ZFYVE9: variants seen among roughly 807,000 people sequenced by gnomAD.
ZFYVE9 encodes zinc finger FYVE-type containing 9.
Under a neutral mutation model 126.7 loss-of-function variants are expected in ZFYVE9, and 43 were observed. That is an observed-to-expected ratio of 0.34 (90% CI 0.27 to 0.44). The LOEUF (loss-of-function observed/expected upper bound fraction) is 0.44, where lower values mean the gene tolerates loss of function less well. Among genes scored for constraint, ZFYVE9 ranks in the 20% least tolerant of loss-of-function variants. The pLI is 1.00. For synonymous variants in ZFYVE9, 521 were observed against 597.4 expected, an observed-to-expected ratio of 0.87 and a Z score of 1.87; for missense variants, 1,476 against 1,697.0, an observed-to-expected ratio of 0.87 and a Z score of 2.29.
chr1:52,310,839 T>C (rs1045203520), intron 13 of ZFYVE9, among the ~76,000 whole-genome samples: 8 of 152,204 alleles, frequency 5.3e-5, no homozygotes, highest in African/African-American at 2.4e-5. Context: ...CTGGGGCATT[T>C]CCTAATATGT....
intron 1 of ZFYVE9, among the ~76,000 whole-genome samples, chr1:52,181,696 G>A (rs984998346): frequency 2.0e-5 from 3 of 151,684 alleles, no homozygotes; most frequent in South Asian, 2.1e-4. Flanking sequence ...CTGCCCGGCC[G>A]CCCATCGTCT....
At chr1:52,275,169 G>A (rs1645733046) in intron 8 of ZFYVE9, among the ~76,000 whole-genome samples, 1 of 152,170 alleles carries the variant, frequency 6.6e-6, no homozygotes, top group Admixed American at 6.5e-5. Context: ...ATAATGCTGA[G>A]GTTTGGGTTA....
In ZFYVE9 at chr1:52,342,779, G is replaced by A. The variant is rs563198164; in HGVS notation, c.3940-1989G>A. ...AAACTCCTGACCTTGTGATCTGCCC[G>A]CCTCGGCCTCCCAAAGTACTGGGAT... On this transcript the variant is annotated intron_variant, in intron 17 of 18. Coordinates refer to ENST00000287727, the MANE Select transcript of ZFYVE9 (RefSeq NM_004799.4). 2.2e-4 allele frequency among the ~76,000 whole-genome samples: 33 copies of A among 152,162 alleles called. No individual in the cohort carries two copies. The East Asian group carries it at 2.3e-3, about 11-fold the overall frequency.
chr1:52,224,593 A>G (rs1318966432), intron 2 of ZFYVE9, among the ~76,000 whole-genome samples: 1 of 152,084 alleles, frequency 6.6e-6, no homozygotes, highest in Non-Finnish European at 1.5e-5. Context: ...ATTTTACCCA[A>G]ACTCTGGCCA....
intron 1 of ZFYVE9, among the ~76,000 whole-genome samples, chr1:52,188,727 A>G (rs1191524958): frequency 1.3e-5 from 2 of 152,134 alleles, no homozygotes; most frequent in Non-Finnish European, 2.9e-5. Flanking sequence ...GTAGAATACC[A>G]ATGTTAAGGT....
intron 12 of ZFYVE9, among the ~76,000 whole-genome samples, chr1:52,296,295 G>A (rs1347408015): frequency 6.6e-6 from 1 of 151,918 alleles, no homozygotes; most frequent in African/African-American, 2.4e-5. Context: ...GTGAGGACTA[G>A]AAGTAATACA....
At chr1:52,215,325 A>G (rs1645062415) in intron 1 of ZFYVE9, among the ~76,000 whole-genome samples, 2 of 152,142 alleles carry the variant, frequency 1.3e-5, no homozygotes, top group Admixed American at 1.3e-4. Context: ...ATATCATAGC[A>G]TGTGCATATT....
At position 52,281,798 on chromosome 1, in the gene ZFYVE9, T is replaced by C; in HGVS notation, c.3007T>C (p.Tyr1003His). The change falls in exon 10 of 19, where the codon TAT becomes CAT. Residue 1003 changes from tyrosine (Y) to histidine (H), a missense_variant. Physicochemically the swap from Tyr to His is moderately conservative, Grantham distance 83. This residue lies in a region of ZFYVE9 where 669 missense variants were observed against 902.4 expected (regional missense o/e 0.74). Transcript: ENST00000287727. ...TATCTTTAATCACTTTGTGCAGCTT[T>C]ATCGGGATGCTCTGGCAGGTAGGAA... ...KDIFNHFVQL[Y>H]RDALAGNVVS... The C allele has an allele frequency of 6.2e-7, 1 of 1,614,220 alleles. No homozygotes were observed. The highest frequency in any genetic ancestry group is 8.5e-7 in the Non-Finnish European group (1 of 1,180,038).
At position 52,315,296 on chromosome 1, in the gene ZFYVE9, C is replaced by T. The variant is rs117229838; in HGVS notation, c.3438+11371C>T. Among the ~76,000 whole-genome samples, 1,484 of 152,102 alleles carry T rather than the reference C, an allele frequency of 9.8e-3. 65 individuals are homozygous for T. The East Asian group carries it at 0.12, about 12-fold the overall frequency. On this transcript the variant is annotated intron_variant, in intron 13 of 18. Transcript: ENST00000287727. The stretch of plus-strand genomic sequence containing the variant: ...TACAAAAATTAGCTGGGTATGGTGG[C>T]ACATACCAGTATTCCTAGCTACTCT...
At chr1:52,340,311 C>G in intron 17 of ZFYVE9, 80 bp downstream of exon 17, 1 of 1,029,308 alleles carries the variant, frequency 9.7e-7, no homozygotes. Context: ...TCTGGGTTGA[C>G]TTTGTAGGAT....
chr1:52,314,905 A>C (rs1487820107), intron 13 of ZFYVE9, among the ~76,000 whole-genome samples: 1 of 152,004 alleles, frequency 6.6e-6, no homozygotes, highest in Non-Finnish European at 1.5e-5. Context: ...ATTGCTTGAA[A>C]TCTGGGCGGC....
At chr1:52,180,155 C>A in intron 1 of ZFYVE9, 1 of 1,250,332 alleles carries the variant, frequency 8.0e-7, no homozygotes, top group Non-Finnish European at 1.2e-6. Flanking sequence ...AAGAAGTTAC[C>A]AAAGCCAGTG....
At chr1:52,267,632 T>C (rs1032226664) in intron 6 of ZFYVE9, among the ~76,000 whole-genome samples, 7 of 152,180 alleles carry the variant, frequency 4.6e-5, no homozygotes, top group Non-Finnish European at 1.5e-5. Context: ...ATTGACATTA[T>C]CATACTCTTC....
chr1:52,181,466 C>T (rs1644702556), intron 1 of ZFYVE9, among the ~76,000 whole-genome samples: 1 of 152,242 alleles, frequency 6.6e-6, no homozygotes, highest in Non-Finnish European at 1.5e-5. Flanking sequence ...GCCTTGGCCT[C>T]CCAAAGTGCC....
At chr1:52,150,989 CT>C (rs57055558) in intron 1 of ZFYVE9, among the ~76,000 whole-genome samples, 411 of 127,538 alleles carry the variant, frequency 3.2e-3, no homozygotes, top group East Asian at 5.7e-3. Flanking sequence ...TGATAATTGT[CT>C]TTTTTTTTTT....
Position 52,268,640 on chromosome 1 carries a change from A to G in ZFYVE9, c.2625+8A>G. On this transcript the variant is annotated splice_region_variant and intron_variant, in intron 7 of 18. Coordinates refer to ENST00000287727, the MANE Select transcript of ZFYVE9 (RefSeq NM_004799.4). ...AGTCCTCTACCAGCAGAGGTAAGAAAACAAAACAGCAACTAAAATTGCATA... is the reference window on the plus strand; with the variant it reads ...AGTCCTCTACCAGCAGAGGTAAGAAGACAAAACAGCAACTAAAATTGCATA... 1.2e-6 allele frequency: 2 copies of G among 1,611,974 alleles called. No homozygotes were observed. Among genetic ancestry groups the G allele is most frequent in the South Asian group, 1.1e-5 (1 of 90,820 alleles).
rs757070656 is a variant in ZFYVE9, at chr1:52,340,181, T to G, written c.3889T>G (p.Phe1297Val). 7 of 1,613,896 alleles carry G rather than the reference T, an allele frequency of 4.3e-6. No individual in the cohort carries two copies. The highest frequency in any genetic ancestry group is 5.9e-6 in the Non-Finnish European group (7 of 1,179,792). The change falls in exon 17 of 19, where the codon TTC becomes GTC. Residue 1297 changes from phenylalanine (F) to valine (V), a missense_variant. By Grantham distance (50) the Phe-to-Val change is conservative. Coordinates refer to ENST00000287727, the MANE Select transcript of ZFYVE9 (RefSeq NM_004799.4). ...GGAGACTATAACAAATGTGAAGATA[T>G]TCCATGGATCAGAATATAAAGCAAA... is the stretch of plus-strand genomic sequence containing the variant. ...SMETITNVKIFHGSEYKANGK... is the reference protein window; with the variant it reads ...SMETITNVKIVHGSEYKANGK...
chr1:52,336,791 G>A (rs1448074337), intron 15 of ZFYVE9, among the ~76,000 whole-genome samples: 1 of 151,906 alleles, frequency 6.6e-6, no homozygotes, highest in Non-Finnish European at 1.5e-5. Context: ...GTTGTTAAAT[G>A]ATAAAATGAG....
At chr1:52,211,312 T>C (rs1265981328) in intron 1 of ZFYVE9, among the ~76,000 whole-genome samples, 1 of 152,184 alleles carries the variant, frequency 6.6e-6, no homozygotes, top group African/African-American at 2.4e-5. Context: ...TTAATGTGAC[T>C]GTGACACCTG....
Sources: gnomAD v4.1 joint callset for allele counts (sites outside exome capture counted in the v4.1 genomes callset) on GRCh38, gnomAD v4.1.1 for gene constraint, gnomAD v4.1.1 regional missense constraint, MANE v1.5 for transcripts, NCBI Gene and HGNC (gene_info 2026-07-23, HGNC 2026-07-21) for gene names.